Variants in LAMA2 observed in about 807,000 individuals in gnomAD.
LAMA2 encodes laminin subunit alpha-2.
In LAMA2, 269 loss-of-function variants were observed where a neutral mutation model predicts 364.8. The ratio of observed to expected loss-of-function variants is 0.74; its 90% CI spans 0.67 to 0.82. LAMA2 has a LOEUF of 0.82. Among genes scored for constraint, LAMA2 ranks in the 40% least tolerant of loss-of-function variants. LAMA2 has a pLI of 0.00. For synonymous variants in LAMA2, 1,379 were observed against 1,370.6 expected, an observed-to-expected ratio of 1.01 and a Z score of -0.14; for missense variants, 3,807 against 3,873.2, an observed-to-expected ratio of 0.98 and a Z score of 0.45.
chr6:129,070,342 G>A (rs1159091482), intron 3 of LAMA2, among the ~76,000 whole-genome samples: 3 of 152,102 alleles, frequency 2.0e-5, no homozygotes, highest in African/African-American at 7.2e-5. Flanking sequence ...AAGTTGTAAT[G>A]TGAAAAATGG....
intron 1 of LAMA2, among the ~76,000 whole-genome samples, chr6:128,911,160 TAC>T (rs1417799583): frequency 1.3e-5 from 2 of 150,860 alleles, no homozygotes; most frequent in African/African-American, 2.5e-5. Context: ...TGTGGTGGGC[TAC>T]ACCCAGTTCG....
intron 41 of LAMA2, among the ~76,000 whole-genome samples, chr6:129,433,808 A>G (rs1266324474): frequency 6.6e-6 from 1 of 152,196 alleles, no homozygotes; most frequent in Non-Finnish European, 1.5e-5. Flanking sequence ...TTATTATAAT[A>G]AAAACTGGTA....
At chr6:129,119,594 C>A (rs571874190) in intron 4 of LAMA2, among the ~76,000 whole-genome samples, 86 of 152,192 alleles carry the variant, frequency 5.7e-4, no homozygotes, top group African/African-American at 2.1e-3. Flanking sequence ...GTCGCCCAGG[C>A]TGGACTGCAG....
At chr6:129,445,548 TG>T in intron 44 of LAMA2, 118 bp from the exon 45 acceptor site, 1 of 852,684 alleles carries the variant, frequency 1.2e-6, no homozygotes, top group African/African-American at 1.7e-5. Context: ...TTAGCTGTTA[TG>T]GCCATGCTTT....
chr6:129,143,775 G>A lies in LAMA2; in HGVS notation c.640-126G>A, dbSNP rs1778262286. The A allele has an allele frequency of 5.8e-6, 4 of 691,086 alleles. No individual in the cohort carries two copies. In the South Asian group the frequency reaches 7.1e-5, roughly 12 times the overall value. The allele number at this position is 691,086 out of a possible 1,614,324, so 42.8% of individuals were successfully genotyped here. On this transcript the variant is annotated intron_variant, in intron 4 of 64. Transcript: ENST00000421865. The stretch of plus-strand genomic sequence containing the variant: ...TCACTAGATGCCAGTGCATAGGCAT[G>A]TACCTGAATCTGCGTAACTAATTGG...
chr6:129,339,132 A>G (rs1323420288), intron 29 of LAMA2, among the ~76,000 whole-genome samples: 1 of 152,210 alleles, frequency 6.6e-6, no homozygotes, highest in Non-Finnish European at 1.5e-5. Flanking sequence ...AAATCACCAG[A>G]TAAGAAAATA....
At chr6:128,990,758 G>GGTGTGTGT (rs141214507) in intron 1 of LAMA2, among the ~76,000 whole-genome samples, 2 of 151,578 alleles carry the variant, frequency 1.3e-5, no homozygotes, top group South Asian at 4.2e-4. Flanking sequence ...TCATTGTGTG[G>GGTGTGTGT]GTGTGTGTGT....
At chr6:129,321,461 G>A (rs377264091) in intron 28 of LAMA2, among the ~76,000 whole-genome samples, 24 of 152,266 alleles carry the variant, frequency 1.6e-4, no homozygotes, top group African/African-American at 5.3e-4. Flanking sequence ...AGACCCCACA[G>A]TCTGAAGCCT....
chr6:128,890,560 C>T (rs1286991438), intron 1 of LAMA2, among the ~76,000 whole-genome samples: 1 of 151,902 alleles, frequency 6.6e-6, no homozygotes, highest in Non-Finnish European at 1.5e-5. Context: ...CACACACACA[C>T]ACACACACAT....
At chr6:129,417,902 G>C (rs181652321) in intron 40 of LAMA2, among the ~76,000 whole-genome samples, 3 of 152,156 alleles carry the variant, frequency 2.0e-5, no homozygotes, top group African/African-American at 4.8e-5. Flanking sequence ...AAGAAGGAGC[G>C]GGCACTTCTG....
intron 35 of LAMA2, among the ~76,000 whole-genome samples, chr6:129,383,722 C>T (rs1778825596): frequency 6.6e-6 from 1 of 152,090 alleles, no homozygotes; most frequent in Non-Finnish European, 1.5e-5. Flanking sequence ...ATTTAGCTCA[C>T]AATTCTCTAG....
Position 129,252,246 on chromosome 6 carries a change from A to C in LAMA2, c.2047A>C (p.Arg683=), listed in dbSNP as rs1786311295. ...TATGACAGTGCTTGCGAATTTGAAGAGAGTCCTCCTACAAATCACATACAG... is the reference window on the plus strand; with the variant it reads ...TATGACAGTGCTTGCGAATTTGAAGCGAGTCCTCCTACAAATCACATACAG... The part of the protein sequence containing the change: ...EFMTVLANLK[R]VLLQITYSFG... The change falls in exon 14 of 65, where the codon AGA becomes CGA. Residue 683 remains arginine, a synonymous_variant. Transcript: ENST00000421865. 6.2e-7 allele frequency: 1 copy of C among 1,613,944 alleles called. No homozygotes were observed. The highest frequency in any genetic ancestry group is 1.7e-5 in the Admixed American group (1 of 60,008).
intron 4 of LAMA2, among the ~76,000 whole-genome samples, chr6:129,131,092 A>G (rs1394407660): frequency 6.6e-6 from 1 of 152,256 alleles, no homozygotes; most frequent in Non-Finnish European, 1.5e-5. Context: ...GGGAAAGCAT[A>G]TTACAAATAA....
At chr6:128,996,465 G>C (rs867200981) in intron 1 of LAMA2, among the ~76,000 whole-genome samples, 1 of 152,118 alleles carries the variant, frequency 6.6e-6, no homozygotes, top group Non-Finnish European at 1.5e-5. Context: ...AGTGGGCAAA[G>C]GATATGAACA....
At chr6:129,503,799 G>C (rs1217575290) in intron 60 of LAMA2, among the ~76,000 whole-genome samples, 1 of 152,282 alleles carries the variant, frequency 6.6e-6, no homozygotes, top group South Asian at 2.1e-4. Context: ...AGGAATCCAG[G>C]AATCTCTGGT....
intron 31 of LAMA2, 66 bp from the exon 32 acceptor site, chr6:129,353,098 A>T: frequency 7.8e-7 from 1 of 1,279,506 alleles, no homozygotes; most frequent in Non-Finnish European, 1.1e-6. Flanking sequence ...ACAAAAGACC[A>T]CACACAACAA....
rs1419198245 is a variant in LAMA2 at position 129,460,263 on chromosome 6, A to T, written c.6931A>T (p.Lys2311Ter). Residue 2311 changes from lysine (K) to a stop codon, truncating the protein, a stop_gained, in exon 49 of 65, where the codon AAA becomes TAA. Coordinates refer to ENST00000421865, the MANE Select transcript of LAMA2 (RefSeq NM_000426.4). LOFTEE classifies it high-confidence loss of function. ...CATGGGAGAAACATACTTTGACAACAAACCTATAGGTTTGTGGAATTTCCG... is the reference window on the plus strand; with the variant it reads ...CATGGGAGAAACATACTTTGACAACTAACCTATAGGTTTGTGGAATTTCCG... ...GCMGETYFDN[K>*]PIGLWNFREK... 1 of 1,612,314 alleles carries T rather than the reference A, an allele frequency of 6.2e-7. No individual in the cohort carries two copies. Among genetic ancestry groups the T allele is most frequent in the East Asian group, 2.2e-5 (1 of 44,816 alleles).
At chr6:129,061,740 T>A (rs975605077) in intron 3 of LAMA2, among the ~76,000 whole-genome samples, 1 of 152,204 alleles carries the variant, frequency 6.6e-6, no homozygotes, top group African/African-American at 2.4e-5. Context: ...TATGCTTCAT[T>A]CATCATAACA....
At chr6:129,004,593 A>C (rs1784325873) in intron 1 of LAMA2, among the ~76,000 whole-genome samples, 1 of 152,098 alleles carries the variant, frequency 6.6e-6, no homozygotes, top group Non-Finnish European at 1.5e-5. Context: ...AGCCTAATGT[A>C]TTGCCTTCTC....
Sources: gnomAD v4.1 joint callset for allele counts (sites outside exome capture counted in the v4.1 genomes callset) on GRCh38, gnomAD v4.1.1 for gene constraint, MANE v1.5 for transcripts, NCBI Gene and HGNC (gene_info 2026-07-23, HGNC 2026-07-21) for gene names.